Variants in CROCC observed in about 807,000 individuals in gnomAD.
CROCC encodes the protein rootletin.
CROCC carries 180 observed loss-of-function variants against 245.2 expected under a neutral mutation model. That is an observed-to-expected ratio of 0.73 (90% confidence interval 0.65 to 0.83). The LOEUF (loss-of-function observed/expected upper bound fraction) is 0.83, where lower values mean the gene tolerates loss of function less well. Among genes scored for constraint, CROCC ranks in the 40% least tolerant of loss-of-function variants. The pLI, the probability that CROCC is intolerant of heterozygous loss-of-function variation, is 0.00. For missense variants in CROCC, 2,688 were observed against 2,779.4 expected (o/e 0.97, Z 0.74); for synonymous variants, 1,205 against 1,241.6 (o/e 0.97, Z 0.62).
At chr1:16,939,869 G>C (rs751139332) in intron 12 of CROCC, 25 bp from the exon 13 acceptor site, 4 of 1,610,302 alleles carry the variant, frequency 2.5e-6, no homozygotes, top group Non-Finnish European at 2.5e-6. Context: ...GGCCCCCCCA[G>C]ACTCTGTGAC....
Position 16,954,948 on chromosome 1 carries a change from C to T in CROCC, c.3465+71C>T. 1 of 1,438,038 alleles carries T rather than the reference C, an allele frequency of 7.0e-7. No individual in the cohort carries two copies. Among genetic ancestry groups the T allele is most frequent in the African/African-American group, 1.4e-5 (1 of 69,888 alleles). The allele number at this position is 1,438,038 out of a possible 1,614,324, so 89.1% of individuals were successfully genotyped here. A position where few individuals can be genotyped will look rare whatever the true frequency, so the allele number is the denominator to read the frequency against. ...CTGTGTGCCTGGGGGCCTAGTTCCC[C>T]AGGGCCCCAGAAGAGTGTAAGATTC... On this transcript the variant is annotated intron_variant, in intron 23 of 36. Coordinates refer to ENST00000375541, the MANE Select transcript of CROCC (RefSeq NM_014675.5). This position sits in a 1 kb window ranked among gnomAD's most constrained non-coding sequence, Gnocchi z 4.4.
upstream of CROCC, among the ~76,000 whole-genome samples, chr1:16,919,368 C>G (rs2075357099): frequency 6.6e-6 from 1 of 152,266 alleles, no homozygotes; most frequent in South Asian, 2.1e-4. Context: ...GTCTCTGAGC[C>G]TCAGTTTTCT....
chr1:16,924,579 T>G, intron 3 of CROCC, 100 bp downstream of exon 3: 7 of 1,459,604 alleles, frequency 4.8e-6, no homozygotes, highest in Non-Finnish European at 5.6e-6. Context: ...AGATGGGCCC[T>G]GGAGTCAGGT....
In CROCC at chr1:16,924,347, G is replaced by A; in HGVS notation, c.219G>A (p.Met73Ile). The change falls in exon 3 of 37, where the codon ATG becomes ATA. Residue 73 changes from methionine to isoleucine, a missense_variant. By Grantham distance (10) the Met-to-Ile change is conservative. Around this residue, in one of 9 missense-constraint regions of CROCC, gnomAD observed 972 missense variants for 895.3 expected, o/e 1.09. Coordinates refer to ENST00000375541, the MANE Select transcript of CROCC (RefSeq NM_014675.5). ...ESPVLLPATE[M>I]ASLLSLQEEN... is the part of the protein sequence containing the mutation. ...CAGTCCTGCTGCCGGCCACAGAGAT[G>A]GCATCGCTGCTGTCGCTGCAGGAGG... 1 of 1,613,072 alleles carries A rather than the reference G, an allele frequency of 6.2e-7. No homozygotes were observed. Among genetic ancestry groups the A allele is most frequent in the Non-Finnish European group, 8.5e-7 (1 of 1,179,772 alleles).
In CROCC at chr1:16,969,164, C is replaced by G; in HGVS notation, c.5125C>G (p.Arg1709Gly). ...KAGTLQLTVERLNGALAKVEE... is the reference protein window; with the variant it reads ...KAGTLQLTVEGLNGALAKVEE... ...AGGGACCCTGCAGCTGACCGTGGAG[C>G]GGCTGAATGGGGCCCTGGCTAAGGT... Residue 1709 changes from arginine to glycine, a missense_variant, in exon 32 of 37, where the codon CGG (arginine) becomes GGG (glycine). By Grantham distance (125) the Arg-to-Gly change is moderately radical. Coordinates refer to ENST00000375541, the MANE Select transcript of CROCC (RefSeq NM_014675.5). 6.2e-7 allele frequency: 1 copy of G among 1,610,316 alleles called. No homozygotes were observed. Among genetic ancestry groups the G allele is most frequent in the African/African-American group, 1.3e-5 (1 of 75,032 alleles).
Position 16,929,997 on chromosome 1 carries a change from G to T in CROCC, c.503G>T (p.Arg168Leu), listed in dbSNP as rs376189880. Reference protein sequence around the residue: ...KLQAYQEGQQRQAQLVQRLQG... With the variant: ...KLQAYQEGQQLQAQLVQRLQG... ...CAGGCCTACCAGGAGGGCCAGCAGC[G>T]GCAGGCCCAGCTTGTGCAGCGGCTG... is the stretch of plus-strand genomic sequence containing the variant. Residue 168 changes from arginine (R) to leucine (L), a missense_variant, in exon 4 of 37, where the codon CGG (arginine) becomes CTG (leucine). Coordinates refer to ENST00000375541, the MANE Select transcript of CROCC (RefSeq NM_014675.5). 1.9e-5 allele frequency: 30 copies of T among 1,584,086 alleles called. No homozygotes were observed. The African/African-American group carries it at 3.3e-4, about 18-fold the overall frequency.
At chr1:16,922,432 C>T (rs554606230) in intron 1 of CROCC, among the ~76,000 whole-genome samples, 1 of 152,390 alleles carries the variant, frequency 6.6e-6, no homozygotes, top group South Asian at 2.1e-4. Context: ...TTGGGAGTTA[C>T]CCGTAGGGTT....
chr1:16,914,357 C>T (rs1298502901), intron 1 of CROCC, among the ~76,000 whole-genome samples: 1 of 152,210 alleles, frequency 6.6e-6, no homozygotes, highest in Non-Finnish European at 1.5e-5. Flanking sequence ...CGGATTGTCG[C>T]GGGCCGGGGG....
In CROCC at chr1:16,966,602, CG is replaced by C; in HGVS notation, c.4860+35del. ...CAGGAGCTGAGGGCCAGCGGGGCGA[CG>C]GGGAATCTGTGTACCCGAGTGAGTG... is the stretch of plus-strand genomic sequence containing the variant. On this transcript the variant is annotated intron_variant, in intron 30 of 36. Coordinates refer to ENST00000375541, the MANE Select transcript of CROCC (RefSeq NM_014675.5). The surrounding 1 kb of genome is among the most constrained non-coding windows in gnomAD (Gnocchi z 4.8). 6.9e-7 allele frequency: 1 copy of C among 1,451,234 alleles called. No homozygotes were observed. The highest frequency in any genetic ancestry group is 1.4e-5 in the South Asian group (1 of 72,368). 89.9% of individuals were successfully genotyped at this position (1,451,234 alleles called of 1,614,324 possible). A position where few individuals can be genotyped will look rare whatever the true frequency, so the allele number is the denominator to read the frequency against.
At chr1:16,922,879 T>A in intron 2 of CROCC, 81 bp downstream of exon 2, 1 of 1,537,296 alleles carries the variant, frequency 6.5e-7, no homozygotes, top group Non-Finnish European at 8.8e-7. Flanking sequence ...GCAGTCACCA[T>A]GATGATCATG....
At chr1:16,965,952 G>T in intron 28 of CROCC, 47 bp from the exon 29 acceptor site, 2 of 1,602,900 alleles carry the variant, frequency 1.2e-6, no homozygotes, top group Non-Finnish European at 1.7e-6. Context: ...AGGTTGCAGG[G>T]TGTCAGAGCA....
At chr1:16,933,239 G>A (rs1570611759) in intron 8 of CROCC, among the ~76,000 whole-genome samples, 2 of 152,268 alleles carry the variant, frequency 1.3e-5, no homozygotes, top group South Asian at 4.1e-4. Context: ...GCCGAGGCGG[G>A]CGGACCACCT....
At chr1:16,930,235 G>GCCTGC in intron 5 of CROCC, 28 bp downstream of exon 5, 1 of 1,586,598 alleles carries the variant, frequency 6.3e-7, no homozygotes, top group Non-Finnish European at 8.6e-7. Flanking sequence ...GCAGGGGCAG[G>GCCTGC]CCCTGCCCTC....
intron 11 of CROCC, 140 bp from the exon 12 acceptor site, chr1:16,938,769 G>A: frequency 1.1e-6 from 1 of 871,602 alleles, no homozygotes; most frequent in East Asian, 2.7e-5. Context: ...GCTAGTGGAG[G>A]AGGTGAAATC....
chr1:16,961,708 C>A (rs2076337531), intron 27 of CROCC, among the ~76,000 whole-genome samples: 1 of 152,114 alleles, frequency 6.6e-6, no homozygotes, highest in Admixed American at 6.5e-5. Flanking sequence ...GCCTCCTGGG[C>A]TCAAGTGATT....
intron 2 of CROCC, among the ~76,000 whole-genome samples, chr1:16,923,836 A>G (rs1160893998): frequency 1.3e-5 from 2 of 152,234 alleles, no homozygotes; most frequent in East Asian, 3.8e-4. Flanking sequence ...ATACACCACC[A>G]TGCCCAGCTA....
chr1:16,937,005 A>G, intron 9 of CROCC, 132 bp downstream of exon 9: 1 of 1,003,700 alleles, frequency 1.0e-6, no homozygotes. Context: ...CTTCCCATGC[A>G]CTGAGGTTCC....
chr1:16,971,609 C>G lies in CROCC; in HGVS notation c.5929C>G (p.Arg1977Gly). ...TGAGCGCACCCTGGAGGCTCGGGAG[C>G]GGGCCCACCGCCAGAGGGTGCGTGG... ...QTERTLEARE[R>G]AHRQRVRGLE... Residue 1977 changes from arginine (R) to glycine (G), a missense_variant, in exon 36 of 37, where the codon CGG becomes GGG. Around this residue, in one of 9 missense-constraint regions of CROCC, gnomAD observed 1,218 missense variants for 1,286.3 expected, o/e 0.95. Transcript: ENST00000375541. 2.0e-6 allele frequency: 3 copies of G among 1,517,550 alleles called. No individual in the cohort carries two copies. Among genetic ancestry groups the G allele is most frequent in the Non-Finnish European group, 2.6e-6 (3 of 1,132,502 alleles). The allele number at this position is 1,517,550 out of a possible 1,614,324, so 94.0% of individuals were successfully genotyped here.
At chr1:16,928,506 T>TTCCC (rs1257818383) in intron 3 of CROCC, among the ~76,000 whole-genome samples, 907 of 151,854 alleles carry the variant, frequency 6.0e-3, no homozygotes, top group African/African-American at 0.021. Context: ...CTTTTTTTTT[T>TTCCC]TAAGATGGAG....
Sources: allele counts gnomAD v4.1 joint callset (sites outside exome capture counted in the v4.1 genomes callset), GRCh38; gene constraint gnomAD v4.1.1; regional missense constraint gnomAD v4.1.1; non-coding constraint Gnocchi (gnomAD v3.1); transcripts MANE v1.5; gene names NCBI Gene and HGNC (gene_info 2026-07-23, HGNC 2026-07-21).